The following TTC23L variants were observed in gnomAD, a reference collection of about 807,000 sequenced individuals.
TTC23L encodes the protein tetratricopeptide repeat protein 23-like.
TTC23L carries 42 observed loss-of-function variants against 48.1 expected under a neutral mutation model. That is an observed-to-expected ratio of 0.87 (90% CI 0.68 to 1.13). The LOEUF (loss-of-function observed/expected upper bound fraction) is 1.13. Ranked by LOEUF, TTC23L falls within the 50% of genes most tolerant of loss-of-function variation. The pLI, the probability that TTC23L is intolerant of heterozygous loss-of-function variation, is 0.00. For synonymous variants in TTC23L, 159 were observed against 157.2 expected (o/e 1.01, Z -0.09); for missense variants, 391 against 421.0 (o/e 0.93, Z 0.62).
At chr5:34,886,499 T>A (rs1401976772) in intron 9 of TTC23L, among the ~76,000 whole-genome samples, 1 of 151,912 alleles carries the variant, frequency 6.6e-6, no homozygotes, top group Non-Finnish European at 1.5e-5. Context: ...ACGGGCAGGA[T>A]CTGCTTTGCC....
the TTC23L span, chr5:34,913,814 A>G: frequency 3.8e-6 from 2 of 527,036 alleles, no homozygotes; most frequent in East Asian, 3.6e-5. Context: ...TGTGCCTATC[A>G]CTACTGCTAA....
intron 4 of TTC23L, among the ~76,000 whole-genome samples, chr5:34,857,706 CT>C (rs1195808704): frequency 5.3e-5 from 8 of 151,984 alleles, no homozygotes; most frequent in Non-Finnish European, 1.0e-4. Flanking sequence ...CTATTTAATC[CT>C]TTTTTTATAT....
At chr5:34,841,637 C>T (rs1561115456) in intron 2 of TTC23L, among the ~76,000 whole-genome samples, 1 of 152,214 alleles carries the variant, frequency 6.6e-6, no homozygotes, top group East Asian at 1.9e-4. Flanking sequence ...CCCACCTCAG[C>T]CTCCTGAGTA....
intron 2 of TTC23L, among the ~76,000 whole-genome samples, chr5:34,845,098 T>C (rs527383071): frequency 3.3e-5 from 5 of 152,346 alleles, no homozygotes; most frequent in African/African-American, 1.2e-4. Context: ...GCTAATGATA[T>C]ACTAATAGCT....
intron 2 of TTC23L, among the ~76,000 whole-genome samples, chr5:34,845,052 C>T (rs72732813): frequency 1.7e-3 from 261 of 152,304 alleles, no homozygotes; most frequent in African/African-American, 6.1e-3. Context: ...TCCAGTTCAA[C>T]ACCCTCATTT....
At chr5:34,925,467 A>G in the TTC23L span, 2 of 1,613,796 alleles carry the variant, frequency 1.2e-6, no homozygotes, top group African/African-American at 1.3e-5. Flanking sequence ...AAAATGAAAC[A>G]GAGGATGGAC....
intron 4 of TTC23L, among the ~76,000 whole-genome samples, chr5:34,857,340 A>G (rs16868534): frequency 0.34 from 52,078 of 152,138 alleles, 10,352 homozygotes; most frequent in South Asian, 0.45. Context: ...TAGTCAGCCT[A>G]TTATTACTGG....
At chr5:34,860,920 C>G (rs1760569451) in intron 4 of TTC23L, 1 of 160,586 alleles carries the variant, frequency 6.2e-6, no homozygotes, top group Non-Finnish European at 1.4e-5. Context: ...GGGTCAATGC[C>G]CACATGGATA....
At chr5:34,859,319 C>T (rs1197497237) in intron 4 of TTC23L, among the ~76,000 whole-genome samples, 6 of 152,200 alleles carry the variant, frequency 3.9e-5, no homozygotes, top group Non-Finnish European at 8.8e-5. Flanking sequence ...GTAGCCATCT[C>T]GGCTTCCAGT....
At chr5:34,925,179 GTTTATT>G in the TTC23L span, 162 of 1,484,714 alleles carry the variant, frequency 1.1e-4, no homozygotes, top group Non-Finnish European at 7.9e-5. Context: ...TATATAAAAT[GTTTATT>G]TTTATTTCAA....
intron 8 of TTC23L, 34 bp downstream of exon 8, chr5:34,869,047 C>T: frequency 1.3e-6 from 2 of 1,518,234 alleles, no homozygotes; most frequent in Non-Finnish European, 1.8e-6. Context: ...AGTTATTTCC[C>T]AGTCACATGA....
chr5:34,894,395 ACT>A (rs1763074058), intron 9 of TTC23L, among the ~76,000 whole-genome samples: 1 of 152,184 alleles, frequency 6.6e-6, no homozygotes, highest in Non-Finnish European at 1.5e-5. Flanking sequence ...TCCCATATAT[ACT>A]GTTAGGGCTA....
intron 9 of TTC23L, among the ~76,000 whole-genome samples, chr5:34,891,252 C>T (rs1257994839): frequency 3.3e-5 from 5 of 152,146 alleles, no homozygotes; most frequent in Admixed American, 3.3e-4. Context: ...ACAGAGTATA[C>T]ATTACTGGAG....
At position 34,863,028 on chromosome 5, in the gene TTC23L, G is replaced by A; in HGVS notation, c.510G>A (p.Leu170=). Residue 170 remains leucine, a synonymous_variant, in exon 5 of 11, where the codon CTG becomes CTA. Transcript: ENST00000505624. This position sits in a 1 kb window ranked among gnomAD's most constrained non-coding sequence, Gnocchi z 4.1. ...CTCTGGTCAAGCTGTACTACACTCT[G>A]GGCGTGGCCTGGCTCCTGCAGAACC... The A allele has an allele frequency of 5.0e-6, 8 of 1,613,968 alleles. No individual in the cohort carries two copies. The highest frequency in any genetic ancestry group is 6.8e-6 in the Non-Finnish European group (8 of 1,179,872).
chr5:34,879,673 T>A (rs1762086061), intron 8 of TTC23L, among the ~76,000 whole-genome samples: 1 of 152,080 alleles, frequency 6.6e-6, no homozygotes, highest in Non-Finnish European at 1.5e-5. Context: ...ATAAGGAGAA[T>A]AAAAACCAAA....
intron 2 of TTC23L, among the ~76,000 whole-genome samples, chr5:34,843,067 C>T (rs1010927057): frequency 9.2e-5 from 14 of 152,176 alleles, no homozygotes; most frequent in African/African-American, 3.4e-4. Context: ...CTCGGCCTTC[C>T]AGAGTGCTGG....
downstream of TTC23L, among the ~76,000 whole-genome samples, chr5:34,899,747 C>G (rs1408297029): frequency 6.6e-6 from 1 of 152,144 alleles, no homozygotes; most frequent in Non-Finnish European, 1.5e-5. Flanking sequence ...AAAAAATTAG[C>G]TGGGCGTGGT....
the TTC23L span, chr5:34,923,340 C>T: frequency 4.6e-6 from 4 of 864,284 alleles, no homozygotes; most frequent in Non-Finnish European, 7.4e-6. Flanking sequence ...ACTGCAGTGG[C>T]ACAATCTTGG....
the TTC23L span, chr5:34,913,660 T>C: frequency 2.5e-6 from 2 of 792,542 alleles, no homozygotes. Context: ...ACTTTATACG[T>C]TTAAAAAATA....
Sources: allele counts gnomAD v4.1 joint callset (sites outside exome capture counted in the v4.1 genomes callset), GRCh38; gene constraint gnomAD v4.1.1; non-coding constraint Gnocchi (gnomAD v3.1); transcripts MANE v1.5; gene names NCBI Gene and HGNC (gene_info 2026-07-23, HGNC 2026-07-21).